Variants in POFUT3 observed in about 807,000 individuals in gnomAD.
POFUT3 encodes the protein protein O-fucosyltransferase 3.
the POFUT3 span, among the ~76,000 whole-genome samples, chr8:33,445,933 C>G: frequency 6.6e-6 from 1 of 152,206 alleles, no homozygotes; most frequent in Non-Finnish European, 1.5e-5. Flanking sequence ...ACCAGACCCA[C>G]CCAAAGACAC....
At chr8:33,435,525 T>G in the POFUT3 span, among the ~76,000 whole-genome samples, 1 of 151,004 alleles carries the variant, frequency 6.6e-6, no homozygotes, top group Admixed American at 6.6e-5. Context: ...CAACTTTTTT[T>G]TCTTTTTCTG....
chr8:33,409,558 G>GAA, the POFUT3 span, among the ~76,000 whole-genome samples: 1 of 152,298 alleles, frequency 6.6e-6, no homozygotes, highest in East Asian at 1.9e-4. Context: ...AATATCTAAA[G>GAA]AAAAGTACAG....
the POFUT3 span, among the ~76,000 whole-genome samples, chr8:33,362,463 A>T: frequency 4.6e-5 from 7 of 152,210 alleles, no homozygotes; most frequent in African/African-American, 1.4e-4. Context: ...CCATTAAAAG[A>T]CACAGACTGG....
At chr8:33,342,588 T>C in the POFUT3 span, among the ~76,000 whole-genome samples, 1,277 of 151,856 alleles carry the variant, frequency 8.4e-3, 22 homozygotes, top group African/African-American at 0.029. Context: ...ATTAGGAAAA[T>C]GTGAATTAAA....
chr8:33,337,602 G>C, the POFUT3 span, among the ~76,000 whole-genome samples: 3 of 151,536 alleles, frequency 2.0e-5, no homozygotes, highest in East Asian at 5.8e-4. Flanking sequence ...ATGAAAACCA[G>C]AAATGAAAGA....
the POFUT3 span, among the ~76,000 whole-genome samples, chr8:33,352,990 C>T: frequency 6.6e-6 from 1 of 152,146 alleles, no homozygotes; most frequent in Non-Finnish European, 1.5e-5. Context: ...AGCCTGAGAC[C>T]AAGTTTTCTG....
the POFUT3 span, among the ~76,000 whole-genome samples, chr8:33,336,017 A>C: frequency 6.6e-6 from 1 of 152,186 alleles, no homozygotes; most frequent in South Asian, 2.1e-4. Flanking sequence ...CGGGCAGTTC[A>C]AACGCATGTT....
chr8:33,367,891 G>GTT, the POFUT3 span, among the ~76,000 whole-genome samples: 8 of 151,698 alleles, frequency 5.3e-5, no homozygotes, highest in South Asian at 2.1e-4. Flanking sequence ...TTCATAATCA[G>GTT]TTTTTTTTAA....
the POFUT3 span, among the ~76,000 whole-genome samples, chr8:33,449,160 C>T: frequency 0.7 from 106,574 of 151,740 alleles, 38,572 homozygotes; most frequent in African/African-American, 0.88. Context: ...GCCTGATATA[C>T]AGTACTCAAT....
At chr8:33,319,737 T>C in the POFUT3 span, among the ~76,000 whole-genome samples, 21 of 67,212 alleles carry the variant, frequency 3.1e-4, 7 homozygotes, top group East Asian at 2.3e-3. Context: ...ATGTATATTT[T>C]ATATATATTT....
the POFUT3 span, among the ~76,000 whole-genome samples, chr8:33,455,526 CA>C: frequency 6.6e-6 from 1 of 151,694 alleles, no homozygotes; most frequent in African/African-American, 2.4e-5. Context: ...TCCATCTCAA[CA>C]AAAAAACAAG....
chr8:33,416,023 C>G, the POFUT3 span, among the ~76,000 whole-genome samples: 2 of 152,168 alleles, frequency 1.3e-5, no homozygotes, highest in East Asian at 3.9e-4. Flanking sequence ...AAAAGTGGAA[C>G]TATTAAAAAG....
the POFUT3 span, among the ~76,000 whole-genome samples, chr8:33,357,769 C>A: frequency 1.3e-5 from 2 of 152,080 alleles, no homozygotes; most frequent in African/African-American, 4.8e-5. Context: ...AGTCACCACC[C>A]CAGACTCTGT....
chr8:33,370,790 CTTTT>C, the POFUT3 span: 8 of 152,310 alleles, frequency 5.3e-5, no homozygotes, highest in East Asian at 1.4e-3. Context: ...CTCAGGCTTT[CTTTT>C]GAGGGTTCAA....
At chr8:33,464,731 G>A in the POFUT3 span, among the ~76,000 whole-genome samples, 1 of 152,158 alleles carries the variant, frequency 6.6e-6, no homozygotes, top group South Asian at 2.1e-4. Flanking sequence ...AGTGAGCCGT[G>A]ATTGTGCCAC....
At chr8:33,372,045 A>C in the POFUT3 span, 1 of 572,514 alleles carries the variant, frequency 1.7e-6, no homozygotes, top group Non-Finnish European at 2.2e-6. Context: ...GTAGACACAC[A>C]TAAGTTCTTT....
chr8:33,343,296 A>G, the POFUT3 span, among the ~76,000 whole-genome samples: 2 of 152,198 alleles, frequency 1.3e-5, no homozygotes, highest in Non-Finnish European at 2.9e-5. Flanking sequence ...GAATGGTGTT[A>G]AAATTTTATC....
the POFUT3 span, among the ~76,000 whole-genome samples, chr8:33,367,023 C>A: frequency 1.3e-5 from 2 of 152,100 alleles, no homozygotes; most frequent in Non-Finnish European, 1.5e-5. Flanking sequence ...GTGGGTGGAT[C>A]ACCTGAGGTC....
At chr8:33,355,724 G>A in the POFUT3 span, among the ~76,000 whole-genome samples, 5 of 151,902 alleles carry the variant, frequency 3.3e-5, no homozygotes, top group Admixed American at 2.6e-4. Context: ...ACAATGTGCA[G>A]GTTAGTTACA....
Sources: allele counts gnomAD v4.1 joint callset (sites outside exome capture counted in the v4.1 genomes callset), GRCh38; gene constraint gnomAD v4.1.1; transcripts MANE v1.5; gene names NCBI Gene and HGNC (gene_info 2026-07-23, HGNC 2026-07-21).